Variants in DNAJC17 observed in about 807,000 individuals in gnomAD.
The protein encoded by DNAJC17 is DnaJ heat shock protein family (Hsp40) member C17.
In DNAJC17, 35 loss-of-function variants were observed where a neutral mutation model predicts 48.1. The ratio of observed to expected loss-of-function variants is 0.73; its 90% confidence interval spans 0.56 to 0.96. The LOEUF is 0.96. Among genes scored for constraint, DNAJC17 ranks in the 50% least tolerant of loss-of-function variants. The probability of loss-of-function intolerance (pLI) is 0.00; values close to 1 mark genes in which losing one functional copy is unlikely to be tolerated. For synonymous variants in DNAJC17, 117 were observed against 142.7 expected (o/e 0.82, Z 1.28); for missense variants, 355 against 377.1 (o/e 0.94, Z 0.48).
rs1348559689 is a variant in DNAJC17 at position 40,769,376 on chromosome 15, A to T, written c.793-1314T>A. 6.6e-6 allele frequency among the ~76,000 whole-genome samples: 1 copy of T among 152,214 alleles called. No individual in the cohort carries two copies. The highest frequency in any genetic ancestry group is 2.4e-5 in the African/African-American group (1 of 41,462). On this transcript the variant is annotated intron_variant, in intron 10 of 10. Transcript: ENST00000220496. This position sits in a 1 kb window ranked among gnomAD's most constrained non-coding sequence, Gnocchi z 4.2. ...TCTCCTGGCAGGAGCCCTCTAGGGT[A>T]AAACAAGGGAGGACAAGGAAATAGC...
intron 1 of DNAJC17, among the ~76,000 whole-genome samples, chr15:40,789,513 C>T (rs1889736401): frequency 6.6e-6 from 1 of 152,048 alleles, no homozygotes; most frequent in Admixed American, 6.6e-5. Context: ...CTATATTAGG[C>T]TCAGACCCCA....
At position 40,802,737 on chromosome 15, in the gene DNAJC17, G is replaced by C. The variant is rs557780160; in HGVS notation, c.78+4632C>G. 1.6e-4 allele frequency among the ~76,000 whole-genome samples: 25 copies of C among 152,180 alleles called. 1 individual carries two copies. Among genetic ancestry groups the C allele is most frequent in the Middle Eastern group, 3.4e-3 (1 of 292 alleles). On this transcript the variant is annotated intron_variant, in intron 1 of 10. Coordinates refer to ENST00000220496, the MANE Select transcript of DNAJC17 (RefSeq NM_018163.3). ...AATTCTGCCACTAACCACCTTCTCC[G>C]AGCTGCAGTTTCGCCATCAGTAACA...
At chr15:40,806,220 CTTTTTTTTT>C (rs34520548) in intron 1 of DNAJC17, among the ~76,000 whole-genome samples, 1 of 122,888 alleles carries the variant, frequency 8.1e-6, no homozygotes, top group South Asian at 2.7e-4. Context: ...TTTTTTTTTC[CTTTTTTTTT>C]TTTTTTTTTG....
intron 6 of DNAJC17, among the ~76,000 whole-genome samples, 181 bp from the exon 7 acceptor site, chr15:40,775,777 A>C (rs1232135879): frequency 6.6e-6 from 1 of 152,050 alleles, no homozygotes; most frequent in Non-Finnish European, 1.5e-5. Flanking sequence ...AGAAGCTGCC[A>C]CCCCAGGGGT....
chr15:40,795,215 C>T (rs1236222228), intron 1 of DNAJC17, among the ~76,000 whole-genome samples: 1 of 141,464 alleles, frequency 7.1e-6, no homozygotes, highest in Non-Finnish European at 1.5e-5. Context: ...CGCCCCTGCA[C>T]TCCAGCCTGG....
chr15:40,803,999 G>T (rs1273437359), intron 1 of DNAJC17, among the ~76,000 whole-genome samples: 2 of 151,464 alleles, frequency 1.3e-5, no homozygotes, highest in Admixed American at 1.3e-4. Context: ...GAGTGGCAGG[G>T]TCTCACCCTG....
chr15:40,784,930 G>C (rs779483117), intron 1 of DNAJC17, among the ~76,000 whole-genome samples: 4 of 151,908 alleles, frequency 2.6e-5, no homozygotes, highest in Admixed American at 1.3e-4. Context: ...AAACCCCGTC[G>C]CTACTAAAAA....
At chr15:40,781,232 C>T (rs549199684) in intron 1 of DNAJC17, among the ~76,000 whole-genome samples, 1 of 149,070 alleles carries the variant, frequency 6.7e-6, no homozygotes, top group Non-Finnish European at 1.5e-5. Context: ...ATCCTGTAAT[C>T]CTCATGCCTG....
In DNAJC17 at chr15:40,765,835, C is replaced by A; in HGVS notation, c.*2105G>T. 3 of 1,550,524 alleles carry A rather than the reference C, an allele frequency of 1.9e-6. No individual in the cohort carries two copies. The highest frequency in any genetic ancestry group is 1.8e-6 in the Non-Finnish European group (2 of 1,136,510). ...TGTGGCTTACCTTGCAGGAGGTGGGCCCCACTATGGTGGGCGATGAACAGT... is the reference window on the plus strand; with the variant it reads ...TGTGGCTTACCTTGCAGGAGGTGGGACCCACTATGGTGGGCGATGAACAGT... On this transcript the variant is annotated 3_prime_UTR_variant, in exon 11 of 11. Transcript: ENST00000220496.
chr15:40,807,407 C>T lies in DNAJC17; in HGVS notation c.40G>A (p.Ala14Thr). ...TKELLQMDLY[A>T]LLGIEEKAAD... ...GCCTTCTCCTCAATGCCTAGCAGCG[C>T]GTACAGGTCCATCTGTAAGAGCTCC... The change falls in exon 1 of 11, where the codon GCG becomes ACG. Residue 14 changes from alanine to threonine, a missense_variant. Ala to Thr is a moderately conservative substitution (Grantham distance 58, BLOSUM62 0). Around this residue, in one of 3 missense-constraint regions of DNAJC17, gnomAD observed 199 missense variants for 199.9 expected, o/e 1.00. Coordinates refer to ENST00000220496, the MANE Select transcript of DNAJC17 (RefSeq NM_018163.3). 1.9e-6 allele frequency: 3 copies of T among 1,614,270 alleles called. No homozygotes were observed. The highest frequency in any genetic ancestry group is 2.5e-6 in the Non-Finnish European group (3 of 1,180,048).
At chr15:40,798,719 A>C (rs1889999396) in intron 1 of DNAJC17, among the ~76,000 whole-genome samples, 1 of 152,166 alleles carries the variant, frequency 6.6e-6, no homozygotes, top group African/African-American at 2.4e-5. Context: ...AATCTGATTT[A>C]CATTATAAAG....
In DNAJC17 at chr15:40,774,718, A is replaced by T. The variant is rs1889268522; in HGVS notation, c.601-282T>A. On this transcript the variant is annotated intron_variant, in intron 8 of 10. Transcript: ENST00000220496. The stretch of plus-strand genomic sequence containing the variant: ...GTCCTTGCTAGTTGAACGTGGTGAA[A>T]AGGACGGGGCTTTCGTGCCAGATAC... Among the ~76,000 whole-genome samples, 2 of 152,244 alleles carry T rather than the reference A, an allele frequency of 1.3e-5. 1 individual carries two copies. Among genetic ancestry groups the T allele is most frequent in the South Asian group, 4.1e-4 (2 of 4,832 alleles).
At chr15:40,774,264 C>A in intron 9 of DNAJC17, 92 bp downstream of exon 9, 1 of 1,426,022 alleles carries the variant, frequency 7.0e-7, no homozygotes, top group South Asian at 1.2e-5. Context: ...CCTAGGAGTG[C>A]AGACCACCTA....
At chr15:40,781,992 G>C (rs1231479749) in intron 1 of DNAJC17, among the ~76,000 whole-genome samples, 1 of 152,064 alleles carries the variant, frequency 6.6e-6, no homozygotes, top group Non-Finnish European at 1.5e-5. Context: ...AGGCGGTTGA[G>C]GCGAGAGGAT....
chr15:40,777,849 A>C (rs1889375186), intron 4 of DNAJC17, among the ~76,000 whole-genome samples: 1 of 152,168 alleles, frequency 6.6e-6, no homozygotes, highest in African/African-American at 2.4e-5. Context: ...TTATAGTCAG[A>C]GTTGCATCAT....
Position 40,766,092 on chromosome 15 carries a change from T to A in DNAJC17, c.*1848A>T. 2 of 423,962 alleles carry A rather than the reference T, an allele frequency of 4.7e-6. No homozygotes were observed. The highest frequency in any genetic ancestry group is 7.2e-5 in the East Asian group (2 of 27,798). The allele number at this position is 423,962 out of a possible 1,614,324, so 26.3% of individuals were successfully genotyped here. ...GGTCCCATCTGTAGCCTCTCCAACATCCCCCCTCTCCCCCACGAGGCTTGC... is the reference window on the plus strand; with the variant it reads ...GGTCCCATCTGTAGCCTCTCCAACAACCCCCCTCTCCCCCACGAGGCTTGC... On this transcript the variant is annotated 3_prime_UTR_variant, in exon 11 of 11. Transcript: ENST00000220496.
rs1305421388 is a variant in DNAJC17, at chr15:40,778,947, C to T, written c.295+276G>A. 3 of 421,198 alleles carry T rather than the reference C, an allele frequency of 7.1e-6. No homozygotes were observed. The East Asian group carries it at 1.6e-4, about 22-fold the overall frequency. The allele number at this position is 421,198 out of a possible 1,614,324, so 26.1% of individuals were successfully genotyped here. Reference sequence around the variant, plus strand: ...AGACCCTGTCTCAAAAAACCATGTTCTTAAAAAAGGTTTAGTACCCACACT... The same window carrying T: ...AGACCCTGTCTCAAAAAACCATGTTTTTAAAAAAGGTTTAGTACCCACACT... On this transcript the variant is annotated intron_variant, in intron 4 of 10. Transcript: ENST00000220496.
In DNAJC17 at chr15:40,774,145, C is replaced by T. The variant is rs145662301; in HGVS notation, c.681+211G>A. 92 of 623,686 alleles carry T rather than the reference C, an allele frequency of 1.5e-4. No homozygotes were observed. The African/African-American group carries it at 1.6e-3, about 11-fold the overall frequency. The allele number at this position is 623,686 out of a possible 1,614,324, so 38.6% of individuals were successfully genotyped here. On this transcript the variant is annotated intron_variant, in intron 9 of 10. Transcript: ENST00000220496. ...GGGAGCAGAGTCAAGTCTGTGCTCTCCTTTCTCCCCAGAGCACCCCCCATC... is the reference window on the plus strand; with the variant it reads ...GGGAGCAGAGTCAAGTCTGTGCTCTTCTTTCTCCCCAGAGCACCCCCCATC...
chr15:40,771,151 G>A (rs1889128658), intron 10 of DNAJC17: 3 of 879,394 alleles, frequency 3.4e-6, no homozygotes, highest in Non-Finnish European at 5.2e-6. Flanking sequence ...TTCATCCTGG[G>A]GGAGGATTCC....
Sources: gnomAD v4.1 joint callset for allele counts (sites outside exome capture counted in the v4.1 genomes callset) on GRCh38, gnomAD v4.1.1 for gene constraint, gnomAD v4.1.1 regional missense constraint, Gnocchi (gnomAD v3.1) non-coding constraint, MANE v1.5 for transcripts, NCBI Gene and HGNC (gene_info 2026-07-23, HGNC 2026-07-21) for gene names.